The following CALN1 variants were observed in gnomAD, a reference collection of about 807,000 sequenced individuals.
CALN1 encodes calcium-binding protein 8.
A neutral mutation model predicts 30.6 loss-of-function variants in CALN1; 17 were observed. That is an observed-to-expected ratio of 0.56 (90% CI 0.38 to 0.83). CALN1 has a LOEUF of 0.83. CALN1 is among the 40% of genes least tolerant of loss of function. The pLI is 0.00. For synonymous variants in CALN1, 156 were observed against 131.4 expected, an observed-to-expected ratio of 1.19 and a Z score of -1.28; for missense variants, 291 against 354.9, an observed-to-expected ratio of 0.82 and a Z score of 1.45.
intron 1 of CALN1, among the ~76,000 whole-genome samples, chr7:72,406,627 TC>T: frequency 9.4e-6 from 1 of 106,350 alleles, no homozygotes; most frequent in Non-Finnish European, 1.7e-5. Flanking sequence ...TTTTTTTTTT[TC>T]TTTTTTAAGA....
chr7:72,434,363 C>CA (rs967442404), intron 1 of CALN1, among the ~76,000 whole-genome samples: 38 of 135,364 alleles, frequency 2.8e-4, no homozygotes, highest in Middle Eastern at 3.8e-3. Flanking sequence ...AAAAAAAAAA[C>CA]AAAAAAAAAA....
intron 3 of CALN1, among the ~76,000 whole-genome samples, chr7:72,209,449 C>CTTACATCCT (rs773628214): frequency 1.3e-4 from 17 of 131,660 alleles, no homozygotes; most frequent in Non-Finnish European, 1.9e-4. Flanking sequence ...TCCTTCCTTC[C>CTTACATCCT]TTACATCCTT....
intron 5 of CALN1, among the ~76,000 whole-genome samples, chr7:71,838,963 A>G (rs908627736): frequency 5.9e-5 from 9 of 152,124 alleles, no homozygotes; most frequent in Admixed American, 3.3e-4. Flanking sequence ...ACTGACTAAT[A>G]CAACCTGCCT....
chr7:72,229,059 C>T lies in CALN1; in HGVS notation c.244+49627G>A, dbSNP rs116793394. ...GAATTACAGGTATGGGCCACCACACCCAGCCCATTTTTAATTATTATTATT... is the reference window on the plus strand; with the variant it reads ...GAATTACAGGTATGGGCCACCACACTCAGCCCATTTTTAATTATTATTATT... On this transcript the variant is annotated intron_variant, in intron 3 of 6. Transcript: ENST00000395275. Among the ~76,000 whole-genome samples, 1,142 of 151,622 alleles carry T rather than the reference C, an allele frequency of 7.5e-3. 19 individuals carry two copies. The highest frequency in any genetic ancestry group is 0.027 in the African/African-American group (1,097 of 41,384).
chr7:71,795,999 T>A (rs1303120711), intron 6 of CALN1, among the ~76,000 whole-genome samples: 3 of 151,426 alleles, frequency 2.0e-5, no homozygotes, highest in Non-Finnish European at 2.9e-5. Context: ...TTTGCATTTT[T>A]TTTTTTTAGC....
intron 4 of CALN1, among the ~76,000 whole-genome samples, chr7:72,030,866 CT>C (rs1801394920): frequency 6.6e-6 from 1 of 152,038 alleles, no homozygotes; most frequent in Non-Finnish European, 1.5e-5. Flanking sequence ...CCTGCCTCAG[CT>C]TCTGGAGTAC....
chr7:72,114,568 G>A (rs1807832307), intron 3 of CALN1, among the ~76,000 whole-genome samples: 1 of 152,036 alleles, frequency 6.6e-6, no homozygotes, highest in African/African-American at 2.4e-5. Flanking sequence ...CCCAGGGAGG[G>A]CTTTAGTGTG....
At chr7:72,171,824 T>C (rs1406572047) in intron 3 of CALN1, among the ~76,000 whole-genome samples, 3 of 152,294 alleles carry the variant, frequency 2.0e-5, no homozygotes, top group South Asian at 4.1e-4. Flanking sequence ...ATAGTAATAA[T>C]GTTTACCATT....
At chr7:72,408,397 A>T (rs2129562794) in intron 1 of CALN1, among the ~76,000 whole-genome samples, 1 of 152,170 alleles carries the variant, frequency 6.6e-6, no homozygotes, top group East Asian at 1.9e-4. Context: ...GTGAGCTGAG[A>T]TCACGCCACT....
chr7:72,250,697 G>C (rs112575984), intron 3 of CALN1, among the ~76,000 whole-genome samples: 1,587 of 152,122 alleles, frequency 0.01, 10 homozygotes, highest in Non-Finnish European at 0.018. Context: ...TTGTTTAAAA[G>C]AGGCTGGCAT....
intron 3 of CALN1, among the ~76,000 whole-genome samples, chr7:72,236,093 A>G (rs1794461310): frequency 6.6e-6 from 1 of 151,560 alleles, no homozygotes; most frequent in Non-Finnish European, 1.5e-5. Context: ...AAAAAAAAAA[A>G]AAGAAAGAAA....
the CALN1 span, among the ~76,000 whole-genome samples, chr7:72,471,089 G>C: frequency 1.3e-5 from 2 of 152,126 alleles, no homozygotes; most frequent in East Asian, 3.8e-4. Flanking sequence ...CAAGTAGCTA[G>C]AACTACAAGC....
chr7:72,001,621 G>A (rs1404899437), intron 5 of CALN1, among the ~76,000 whole-genome samples: 2 of 152,156 alleles, frequency 1.3e-5, no homozygotes, highest in Non-Finnish European at 2.9e-5. Flanking sequence ...CTGCCCACTT[G>A]GCCTTCTTCC....
At chr7:72,234,197 C>G (rs188359927) in intron 3 of CALN1, among the ~76,000 whole-genome samples, 16 of 152,194 alleles carry the variant, frequency 1.1e-4, no homozygotes, top group Admixed American at 3.3e-4. Context: ...CAAGGTAAAG[C>G]AGGATTAGAA....
intron 5 of CALN1, among the ~76,000 whole-genome samples, chr7:71,901,099 G>T (rs1376887781): frequency 6.6e-6 from 1 of 152,072 alleles, no homozygotes; most frequent in African/African-American, 2.4e-5. Context: ...TCTTACTTTG[G>T]ACTTGCTCTC....
chr7:72,289,993 G>A (rs1042959789), intron 2 of CALN1, among the ~76,000 whole-genome samples: 16 of 144,860 alleles, frequency 1.1e-4, no homozygotes, highest in Admixed American at 5.7e-4. Context: ...TTGGAGAATC[G>A]CTTAAGCCCA....
intron 5 of CALN1, among the ~76,000 whole-genome samples, chr7:71,838,734 G>A (rs1177391810): frequency 1.3e-5 from 2 of 152,142 alleles, no homozygotes; most frequent in Non-Finnish European, 2.9e-5. Flanking sequence ...TAGTGAGTGA[G>A]TTCTCAGGAC....
intron 1 of CALN1, among the ~76,000 whole-genome samples, chr7:72,432,301 C>G (rs1249584430): frequency 1.3e-5 from 2 of 152,164 alleles, no homozygotes; most frequent in Non-Finnish European, 2.9e-5. Flanking sequence ...GTGAAGCCTC[C>G]CCAGCCATGT....
chr7:72,098,764 GCACACACA>G (rs1181933030), intron 4 of CALN1, among the ~76,000 whole-genome samples: 32,706 of 142,664 alleles, frequency 0.23, 4,328 homozygotes, highest in Non-Finnish European at 0.31. Context: ...CATTTGGCGC[GCACACACA>G]CACACACACA....
Sources: allele counts gnomAD v4.1 joint callset (sites outside exome capture counted in the v4.1 genomes callset), GRCh38; gene constraint gnomAD v4.1.1; transcripts MANE v1.5; gene names NCBI Gene and HGNC (gene_info 2026-07-23, HGNC 2026-07-21).